Variants in DMD observed in about 807,000 individuals in gnomAD.
DMD encodes the protein mutant dystrophin.
A neutral mutation model predicts 330.1 loss-of-function variants in DMD; 63 were observed. The observed-to-expected ratio is 0.19, with a 90% CI of 0.16 to 0.24. The LOEUF (loss-of-function observed/expected upper bound fraction) is 0.24, where lower values mean the gene tolerates loss of function less well. Ranked by LOEUF, DMD falls within the 10% of genes least tolerant of loss-of-function variation. The probability of loss-of-function intolerance (pLI) is 1.00; values close to 1 mark genes in which losing one functional copy is unlikely to be tolerated. For missense variants in DMD, 3,344 were observed against 2,684.1 expected (o/e 1.25, Z -5.43); for synonymous variants, 1,223 against 959.8 (o/e 1.27, Z -5.07).
intron 60 of DMD, among the ~76,000 whole-genome samples, chrX:31,426,342 A>C (rs1197668800): frequency 8.9e-6 from 1 of 112,101 alleles, no homozygotes; most frequent in Non-Finnish European, 1.9e-5. Flanking sequence ...CTTTAAAGTC[A>C]GGTATCTGTT....
chrX:32,252,848 AT>A (rs2097279261), intron 43 of DMD, among the ~76,000 whole-genome samples: 2 of 77,440 alleles, frequency 2.6e-5, no homozygotes, highest in Admixed American at 4.0e-4. Flanking sequence ...ATATAAATAT[AT>A]AAATATATAT....
At position 32,468,524 on chromosome X, in the gene DMD, G is replaced by C; in HGVS notation, c.3136C>G (p.Gln1046Glu). The C allele has an allele frequency of 1.7e-6, 2 of 1,208,222 alleles. No homozygotes were observed. The highest frequency in any genetic ancestry group is 2.2e-6 in the Non-Finnish European group (2 of 893,392). ...TGAATTTTTCGGAGTTTATTCATTT[G>C]CTCCTCTAGCTTTTGACAATGCTCA... The part of the protein sequence containing the change: ...LVEHCQKLEE[Q>E]MNKLRKIQNH... The change falls in exon 23 of 79, where the codon CAA becomes GAA. Residue 1046 changes from glutamine to glutamate, a missense_variant. Physicochemically the swap from Gln to Glu is conservative, Grantham distance 29. Transcript: ENST00000357033.
intron 62 of DMD, among the ~76,000 whole-genome samples, chrX:31,321,583 C>CAAAAAAAAAAAAAAAA (rs1190446358): frequency 1.6e-3 from 17 of 10,462 alleles, no homozygotes; most frequent in Non-Finnish European, 2.1e-3. Flanking sequence ...AACTCCATCT[C>CAAAAAAAAAAAAAAAA]AAAAAAAAAA....
chrX:31,185,090 T>C (rs183566099), intron 67 of DMD, among the ~76,000 whole-genome samples: 12,304 of 107,409 alleles, frequency 0.11, 663 homozygotes, highest in African/African-American at 0.17. Flanking sequence ...ATTGTGCACA[T>C]GTACCCTAAA....
chrX:33,236,141 C>A (rs750262777), intron 1 of DMD, among the ~76,000 whole-genome samples: 1 of 108,018 alleles, frequency 9.3e-6, no homozygotes, highest in Admixed American at 1.0e-4. Flanking sequence ...TGGTCTCGAT[C>A]TCATGACCTC....
intron 9 of DMD, among the ~76,000 whole-genome samples, chrX:32,683,235 C>G (rs1013436987): frequency 9.1e-6 from 1 of 110,398 alleles, no homozygotes; most frequent in Non-Finnish European, 1.9e-5. Flanking sequence ...GAAGGAGTGG[C>G]GATTCCTCAG....
intron 43 of DMD, among the ~76,000 whole-genome samples, chrX:32,224,453 CAT>C (rs1475888078): frequency 9.0e-6 from 1 of 111,207 alleles, no homozygotes; most frequent in African/African-American, 3.3e-5. Context: ...TTAGGTAAAA[CAT>C]GTGCACTGTA....
At chrX:31,211,375 G>A in intron 64 of DMD, among the ~76,000 whole-genome samples, 1 of 112,281 alleles carries the variant, frequency 8.9e-6, no homozygotes, top group East Asian at 2.8e-4. Flanking sequence ...ATTACTGGAA[G>A]AGAGGAATGG....
rs2058516363 is a variant in DMD at position 32,628,440 on chromosome X, T to C, written c.1332-13987A>G. ...TCTTAGTCAAGCTTAAGACTTGTCA[T>C]TTTTGTCAACCCTTTCAAAAAAACC... On this transcript the variant is annotated intron_variant, in intron 11 of 78. Transcript: ENST00000357033. Among the ~76,000 whole-genome samples, 4 of 107,208 alleles carry C rather than the reference T, an allele frequency of 3.7e-5. No homozygotes were observed. The Admixed American group carries it at 4.1e-4, about 11-fold the overall frequency. The allele number at this position is 107,208 out of a possible 115,157, so 93.1% of individuals were successfully genotyped here. A position where few individuals can be genotyped will look rare whatever the true frequency, so the allele number is the denominator to read the frequency against.
chrX:32,853,787 C>CA (rs959090910), intron 2 of DMD, among the ~76,000 whole-genome samples: 2 of 53,595 alleles, frequency 3.7e-5, no homozygotes, highest in Admixed American at 2.1e-4. Flanking sequence ...AAAAAAAAAA[C>CA]AAACAACAAC....
At chrX:32,555,933 G>A (rs754454971) in intron 16 of DMD, among the ~76,000 whole-genome samples, 20 of 111,359 alleles carry the variant, frequency 1.8e-4, no homozygotes, top group Non-Finnish European at 3.4e-4. Context: ...GAGGAAAATG[G>A]CAAAAGCAAC....
intron 13 of DMD, 96 bp from the exon 14 acceptor site, chrX:32,573,942 C>A: frequency 1.5e-6 from 1 of 657,051 alleles, no homozygotes; most frequent in Admixed American, 2.6e-5. Flanking sequence ...ATCTCAGTCT[C>A]CTATGTACGC....
chrX:31,686,734 T>A (rs1319533341), intron 52 of DMD, among the ~76,000 whole-genome samples: 1 of 111,968 alleles, frequency 8.9e-6, no homozygotes, highest in Non-Finnish European at 1.9e-5. Flanking sequence ...CCTGTGTCTA[T>A]CTTCTTAATC....
In DMD at chrX:32,877,756, T is replaced by G. The variant is rs149058025; in HGVS notation, c.94-27936A>C. 5.1e-4 allele frequency among the ~76,000 whole-genome samples: 57 copies of G among 111,926 alleles called. No homozygotes were observed. In the East Asian group the frequency reaches 0.015, roughly 30 times the overall value. On this transcript the variant is annotated intron_variant, in intron 2 of 78. Coordinates refer to ENST00000357033, the MANE Select transcript of DMD (RefSeq NM_004006.3). ...TGTTTATGTCACCTTAGGGTAGTCT[T>G]AAGGCAATGACTGGTGACTACTGGA...
At chrX:31,350,517 T>C (rs6527083) in intron 60 of DMD, among the ~76,000 whole-genome samples, 30,924 of 109,689 alleles carry the variant, frequency 0.28, 3,339 homozygotes, top group East Asian at 0.57. Flanking sequence ...AGGAGGCACA[T>C]AGTATATGGT....
At chrX:31,195,669 T>G (rs5927697) in intron 67 of DMD, among the ~76,000 whole-genome samples, 11,025 of 104,676 alleles carry the variant, frequency 0.11, 581 homozygotes, top group East Asian at 0.27. Flanking sequence ...TACAGCATGA[T>G]GGAATTTTAG....
At chrX:32,006,689 G>C (rs2095663759) in intron 44 of DMD, among the ~76,000 whole-genome samples, 1 of 110,465 alleles carries the variant, frequency 9.1e-6, no homozygotes, top group South Asian at 3.8e-4. Flanking sequence ...TTGGAAATAG[G>C]GTCTTTGAAG....
rs748684614 is a variant in DMD, at chrX:32,337,144, G to A, written c.5922+4956C>T. Among the ~76,000 whole-genome samples, 375 of 111,319 alleles carry A rather than the reference G, an allele frequency of 3.4e-3. 1 individual carries two copies. The highest frequency in any genetic ancestry group is 0.012 in the African/African-American group (356 of 30,635). The stretch of plus-strand genomic sequence containing the variant: ...AGATTAGCACTTCCATAACAGATAC[G>A]GAGGAGTGATTTGATGCATTTTGCA... On this transcript the variant is annotated intron_variant, in intron 41 of 78. Transcript: ENST00000357033.
intron 11 of DMD, among the ~76,000 whole-genome samples, chrX:32,635,111 C>T (rs1490886154): frequency 9.0e-6 from 1 of 111,646 alleles, no homozygotes; most frequent in African/African-American, 3.3e-5. Context: ...TCGGTTTCCA[C>T]TGTGACAGGG....
Sources: allele counts gnomAD v4.1 joint callset (sites outside exome capture counted in the v4.1 genomes callset), GRCh38; gene constraint gnomAD v4.1.1; transcripts MANE v1.5; gene names NCBI Gene and HGNC (gene_info 2026-07-23, HGNC 2026-07-21).